Variants in SORBS2 observed in about 807,000 individuals in gnomAD.
The protein encoded by SORBS2 is sorbin and SH3 domain-containing protein 2.
In SORBS2, 46 loss-of-function variants were observed where a neutral mutation model predicts 97.7. The ratio of observed to expected loss-of-function variants is 0.47; its 90% CI spans 0.37 to 0.60. The LOEUF is 0.60. Ranked by LOEUF, SORBS2 falls within the 20% of genes least tolerant of loss-of-function variation. The probability of loss-of-function intolerance (pLI) is 0.00; values close to 1 mark genes in which losing one functional copy is unlikely to be tolerated. For synonymous variants in SORBS2, 476 were observed against 473.4 expected (o/e 1.01, Z -0.07); for missense variants, 1,316 against 1,282.3 (o/e 1.03, Z -0.40).
At chr4:185,697,063 A>G (rs1238774177) in intron 2 of SORBS2, among the ~76,000 whole-genome samples, 1 of 152,206 alleles carries the variant, frequency 6.6e-6, no homozygotes, top group African/African-American at 2.4e-5. Flanking sequence ...GGGTCAAGAA[A>G]TAGGCAAAGC....
In SORBS2 at chr4:185,796,993, G is replaced by A. The variant is rs549496461; in HGVS notation, c.-337-21627C>T. Reference sequence around the variant, plus strand: ...ACGCTATTATTCCCTGGTCACAGTGGGGCTGGGCAGCTTCCAGAGCGAATG... The same window carrying A: ...ACGCTATTATTCCCTGGTCACAGTGAGGCTGGGCAGCTTCCAGAGCGAATG... On this transcript the variant is annotated intron_variant, in intron 1 of 20. Coordinates refer to the SORBS2 transcript ENST00000284776. Among the ~76,000 whole-genome samples the A allele has an allele frequency of 2.6e-5, 4 of 152,202 alleles. 1 individual carries two copies. The highest frequency in any genetic ancestry group is 9.6e-5 in the African/African-American group (4 of 41,530).
intron 4 of SORBS2, among the ~76,000 whole-genome samples, chr4:185,668,870 T>C (rs1356493903): frequency 6.6e-6 from 1 of 152,176 alleles, no homozygotes; most frequent in Non-Finnish European, 1.5e-5. Flanking sequence ...TGAGTATAAA[T>C]TGTTTTTTCT....
chr4:185,663,463 T>C (rs1318110705), intron 4 of SORBS2, among the ~76,000 whole-genome samples: 1 of 152,234 alleles, frequency 6.6e-6, no homozygotes, highest in Non-Finnish European at 1.5e-5. Flanking sequence ...ATTGATTAAA[T>C]AATTCTCTAA....
intron 1 of SORBS2, among the ~76,000 whole-genome samples, chr4:185,814,379 A>G (rs541660860): frequency 6.6e-6 from 1 of 151,864 alleles, no homozygotes; most frequent in South Asian, 2.1e-4. Flanking sequence ...AAAAAAATCA[A>G]ACAAACAAAC....
rs565436778 is a variant in SORBS2 at position 185,946,987 on chromosome 4, T to C, written c.-338+9209A>G. On this transcript the variant is annotated intron_variant, in intron 1 of 20. Transcript: ENST00000284776. ...ACAGATGGGTACCTGGCCCATGACT[T>C]AGTGTTCTCACCTCCTCCCATCAAT... 7.2e-5 allele frequency among the ~76,000 whole-genome samples: 11 copies of C among 152,354 alleles called. 1 individual carries two copies. The South Asian group carries it at 2.3e-3, about 32-fold the overall frequency.
At chr4:185,629,152 C>T (rs988350858) in intron 5 of SORBS2, among the ~76,000 whole-genome samples, 17 of 152,198 alleles carry the variant, frequency 1.1e-4, no homozygotes, top group Admixed American at 4.6e-4. Flanking sequence ...CTGGGATGTA[C>T]GGAAGCAAGC....
intron 2 of SORBS2, among the ~76,000 whole-genome samples, chr4:185,707,950 A>C (rs111928923): frequency 0.11 from 16,355 of 152,146 alleles, 1,047 homozygotes; most frequent in African/African-American, 0.18. Flanking sequence ...GACACAGCCA[A>C]ACCTTATCAG....
intron 1 of SORBS2, among the ~76,000 whole-genome samples, chr4:185,820,544 G>A (rs921395392): frequency 2.0e-5 from 3 of 152,178 alleles, no homozygotes; most frequent in Non-Finnish European, 4.4e-5. Context: ...CCTGCAGTTG[G>A]GGAAGGAGTA....
At chr4:185,951,042 C>T (rs2099276988) in intron 1 of SORBS2, among the ~76,000 whole-genome samples, 1 of 152,190 alleles carries the variant, frequency 6.6e-6, no homozygotes, top group African/African-American at 2.4e-5. Flanking sequence ...CCAGATGCTA[C>T]TGCAAGTGAT....
chr4:185,637,985 C>T (rs184099554), intron 4 of SORBS2, 94 bp downstream of exon 15: 1 of 810,068 alleles, frequency 1.2e-6, no homozygotes. Context: ...GGCCTTTGTT[C>T]TCTGAATGAC....
At chr4:185,673,156 C>T (rs2097740809) in intron 4 of SORBS2, among the ~76,000 whole-genome samples, 2 of 152,092 alleles carry the variant, frequency 1.3e-5, no homozygotes, top group Admixed American at 1.3e-4. Context: ...TGGTGGTTGC[C>T]AGGCGCTTGG....
intron 1 of SORBS2, among the ~76,000 whole-genome samples, chr4:185,896,336 C>T (rs538073819): frequency 6.6e-6 from 1 of 152,196 alleles, no homozygotes; most frequent in African/African-American, 2.4e-5. Flanking sequence ...GTAATGCCAG[C>T]ACTTTGGGAG....
intron 12 of SORBS2, among the ~76,000 whole-genome samples, chr4:185,599,775 C>T (rs2096211584): frequency 6.6e-6 from 1 of 152,146 alleles, no homozygotes; most frequent in African/African-American, 2.4e-5. Context: ...GTTTGGAAAC[C>T]TCACACACAC....
rs1458534454 is a variant in SORBS2, at chr4:185,732,767, C to T, written c.-198+42460G>A. On this transcript the variant is annotated intron_variant, in intron 2 of 20. Transcript: ENST00000284776. ...GTATGTTGAAGTCCTTCCTCACCCCCAGTACCTGTGAGAGCGATCTTATTT... is the reference window on the plus strand; with the variant it reads ...GTATGTTGAAGTCCTTCCTCACCCCTAGTACCTGTGAGAGCGATCTTATTT... Among the ~76,000 whole-genome samples the T allele has an allele frequency of 2.6e-5, 4 of 152,224 alleles. No homozygotes were observed. In the East Asian group the frequency reaches 7.7e-4, roughly 29 times the overall value.
chr4:185,711,866 C>G (rs1412982594), intron 2 of SORBS2, among the ~76,000 whole-genome samples: 1 of 152,138 alleles, frequency 6.6e-6, no homozygotes, highest in Non-Finnish European at 1.5e-5. Context: ...CAACACCACA[C>G]TCAGCTGACC....
intron 1 of SORBS2, chr4:185,919,239 T>G (rs1395708195): frequency 2.0e-5 from 3 of 152,164 alleles, no homozygotes; most frequent in Non-Finnish European, 2.9e-5. Flanking sequence ...GAAAAATATC[T>G]CTAAGATACT....
chr4:185,591,823 T>A (rs1245500559), intron 13 of SORBS2: 1 of 152,202 alleles, frequency 6.6e-6, no homozygotes, highest in East Asian at 1.9e-4. Flanking sequence ...CGCAACAAAA[T>A]TGGCACAGAC....
intron 1 of SORBS2, among the ~76,000 whole-genome samples, chr4:185,896,478 G>A (rs1445498876): frequency 6.6e-6 from 1 of 152,180 alleles, no homozygotes; most frequent in Non-Finnish European, 1.5e-5. Flanking sequence ...CAGCTACACG[G>A]GAGGCTGAGG....
intron 4 of SORBS2, among the ~76,000 whole-genome samples, chr4:185,676,796 T>C (rs13140168): frequency 0.075 from 11,491 of 152,240 alleles, 536 homozygotes; most frequent in South Asian, 0.13. Flanking sequence ...GATCTGTATA[T>C]GCATATTTAC....
Sources: allele counts gnomAD v4.1 joint callset (sites outside exome capture counted in the v4.1 genomes callset), GRCh38; gene constraint gnomAD v4.1.1; transcripts MANE v1.5; gene names NCBI Gene and HGNC (gene_info 2026-07-23, HGNC 2026-07-21).